PRSS48: variants seen among roughly 807,000 people sequenced by gnomAD.
PRSS48 encodes the protein epidermis-specific serine protease-like protein.
PRSS48 carries 21 observed loss-of-function variants against 25.6 expected under a neutral mutation model. The ratio of observed to expected loss-of-function variants is 0.82; its 90% confidence interval spans 0.58 to 1.18. The LOEUF is 1.18. Among genes scored for constraint, PRSS48 ranks in the 50% most tolerant of loss-of-function variants. The pLI is 0.00. For synonymous variants in PRSS48, 150 were observed against 149.3 expected (o/e 1.00, Z -0.04); for missense variants, 373 against 399.3 (o/e 0.93, Z 0.56).
downstream of PRSS48, chr4:151,291,558 G>C: frequency 4.2e-6 from 3 of 713,020 alleles, no homozygotes; most frequent in Non-Finnish European, 6.9e-6. Context: ...GGAATGTGAA[G>C]AGTTAAGAAA....
chr4:151,283,193 T>A, exon 4 of PRSS48: 1 of 1,613,856 alleles, frequency 6.2e-7, no homozygotes, highest in Non-Finnish European at 8.5e-7. Flanking sequence ...AGCTCTACAA[T>A]CCCATCGGTA....
Position 151,291,216 on chromosome 4 carries a change from A to G in PRSS48, c.750A>G (p.Gly250=), listed in dbSNP as rs1459278416. 3 of 1,613,352 alleles carry G rather than the reference A, an allele frequency of 1.9e-6. No homozygotes were observed. The African/African-American group carries it at 4.0e-5, about 22-fold the overall frequency. ...TAGAATGTGGTAAATCTCTTCCTGG[A>G]GTCTACACCAATGTAATCTACTACC... is the stretch of plus-strand genomic sequence containing the variant. Residue 250 remains glycine (G), a synonymous_variant, in exon 5 of 5, where the codon GGA becomes GGG. Coordinates refer to ENST00000455694, the Ensembl canonical transcript of PRSS48.
At chr4:151,290,227 G>A (rs759160571) in intron 4 of PRSS48, among the ~76,000 whole-genome samples, 4 of 152,096 alleles carry the variant, frequency 2.6e-5, no homozygotes, top group African/African-American at 4.8e-5. Context: ...TTACAGACAC[G>A]AACCATCATG....
chr4:151,284,307 G>A (rs1044137258), intron 4 of PRSS48, among the ~76,000 whole-genome samples: 2 of 152,014 alleles, frequency 1.3e-5, no homozygotes, highest in Admixed American at 6.6e-5. Context: ...AAATTGATCT[G>A]TATTGAAGAT....
At chr4:151,282,762 G>C (rs1040864802) in intron 3 of PRSS48, among the ~76,000 whole-genome samples, 2 of 151,260 alleles carry the variant, frequency 1.3e-5, no homozygotes, top group Non-Finnish European at 2.9e-5. Flanking sequence ...TCTTTCCCAG[G>C]TTGGAGTAGA....
At chr4:151,284,744 T>C (rs979425100) in intron 4 of PRSS48, among the ~76,000 whole-genome samples, 1 of 152,180 alleles carries the variant, frequency 6.6e-6, no homozygotes, top group Admixed American at 6.5e-5. Context: ...CTAAAGAATG[T>C]TGATTTCCTG....
chr4:151,280,027 AC>A, intron 2 of PRSS48, 69 bp downstream of exon 2: 4 of 923,734 alleles, frequency 4.3e-6, no homozygotes, highest in Non-Finnish European at 5.9e-6. Context: ...TCATGAATGA[AC>A]CAAAAGACAA....
intron 4 of PRSS48, among the ~76,000 whole-genome samples, chr4:151,290,861 G>C (rs1775260303): frequency 6.6e-6 from 1 of 152,106 alleles, no homozygotes; most frequent in African/African-American, 2.4e-5. Flanking sequence ...CATCTCATTA[G>C]TTTTATTTCT....
chr4:151,284,871 A>G (rs886828940), intron 4 of PRSS48, among the ~76,000 whole-genome samples: 1 of 152,160 alleles, frequency 6.6e-6, no homozygotes, highest in Non-Finnish European at 1.5e-5. Flanking sequence ...CTGCACATGT[A>G]TGTAATTCAG....
exon 5 of PRSS48, chr4:151,291,257 C>G (rs1775309678): frequency 8.7e-6 from 14 of 1,613,884 alleles, no homozygotes; most frequent in Non-Finnish European, 1.1e-5. Flanking sequence ...TGGATTAATG[C>G]CACTATTTCA....
At position 151,291,124 on chromosome 4, in the gene PRSS48, T is replaced by G. The variant is rs774987956; in HGVS notation, c.658T>G (p.Ser220Ala). The stretch of plus-strand genomic sequence containing the variant: ...CCTTTCATTTCTTCCTTAGGGTGAT[T>G]CTGGAGGGCCTCTGTCGTGTCACAT... Residue 220 changes from serine to alanine, a missense_variant, in exon 5 of 5, where the codon TCT (serine) becomes GCT (alanine). Ser to Ala is a moderately conservative substitution (Grantham distance 99). Transcript: ENST00000455694. 6 of 1,609,778 alleles carry G rather than the reference T, an allele frequency of 3.7e-6. No homozygotes were observed. The Admixed American group carries it at 5.0e-5, about 13-fold the overall frequency.
At chr4:151,289,759 A>G (rs1327209742) in intron 4 of PRSS48, among the ~76,000 whole-genome samples, 1 of 152,182 alleles carries the variant, frequency 6.6e-6, no homozygotes, top group Non-Finnish European at 1.5e-5. Flanking sequence ...TATATGACCA[A>G]GAAAGATAAA....
At chr4:151,279,861 C>T in exon 2 of PRSS48, 1 of 1,508,244 alleles carries the variant, frequency 6.6e-7, no homozygotes. Context: ...AGGGCGCTGG[C>T]CTTGGCAGGT....
chr4:151,282,225 A>G lies in PRSS48; in HGVS notation c.293A>G (p.Tyr98Cys), dbSNP rs776207705. ...GACTCAAGGAAACGTGTGAAGTACT[A>G]CGTGTCCAAAATCGTCATCCATCCC... Residue 98 changes from tyrosine (Y) to cysteine (C), a missense_variant, in exon 3 of 5, where the codon TAC (tyrosine) becomes TGC (cysteine). Physicochemically the swap from Tyr to Cys is radical, Grantham distance 194 (BLOSUM62 -2). Transcript: ENST00000455694. 6.8e-6 allele frequency: 11 copies of G among 1,613,814 alleles called. No homozygotes were observed. Among genetic ancestry groups the G allele is most frequent in the African/African-American group, 1.3e-5 (1 of 74,912 alleles).
intron 4 of PRSS48, among the ~76,000 whole-genome samples, chr4:151,287,375 CCAACT>C (rs1774910021): frequency 6.6e-6 from 1 of 151,152 alleles, no homozygotes; most frequent in Admixed American, 6.6e-5. Flanking sequence ...GGAACACTTC[CCAACT>C]CATTCGAGAT....
chr4:151,284,439 T>C (rs1018891501), intron 4 of PRSS48, among the ~76,000 whole-genome samples: 4 of 152,230 alleles, frequency 2.6e-5, no homozygotes, highest in Admixed American at 2.6e-4. Flanking sequence ...CATCCACATA[T>C]ACTTTCTACA....
chr4:151,285,061 T>C (rs1774617211), intron 4 of PRSS48, among the ~76,000 whole-genome samples: 1 of 152,186 alleles, frequency 6.6e-6, no homozygotes, highest in Non-Finnish European at 1.5e-5. Context: ...CTATGCATGA[T>C]AATGACTGGG....
downstream of PRSS48, chr4:151,291,489 T>C: frequency 7.2e-7 from 1 of 1,384,238 alleles, no homozygotes; most frequent in Admixed American, 2.5e-5. Flanking sequence ...TGGGTGACTT[T>C]ATTTACAATT....
At chr4:151,285,759 T>C (rs968368716) in intron 4 of PRSS48, among the ~76,000 whole-genome samples, 2 of 151,890 alleles carry the variant, frequency 1.3e-5, no homozygotes, top group Admixed American at 1.3e-4. Context: ...CCCAGCTACT[T>C]AGGAGACTGG....
Sources: gnomAD v4.1 joint callset for allele counts (sites outside exome capture counted in the v4.1 genomes callset) on GRCh38, gnomAD v4.1.1 for gene constraint, MANE v1.5 for transcripts, NCBI Gene and HGNC (gene_info 2026-07-23, HGNC 2026-07-21) for gene names.